Variants in PRELID2 observed in about 807,000 individuals in gnomAD.
PRELID2 encodes the protein PRELI domain containing 2, also known as PRELI domain-containing protein 2.
A neutral mutation model predicts 28.4 loss-of-function variants in PRELID2; 25 were observed. That is an observed-to-expected ratio of 0.88 (90% CI 0.64 to 1.23). The LOEUF is 1.23. Ranked by LOEUF, PRELID2 falls within the 50% of genes most tolerant of loss-of-function variation. The pLI is 0.00. For synonymous variants in PRELID2, 76 were observed against 71.6 expected (o/e 1.06, Z -0.31); for missense variants, 201 against 214.4 (o/e 0.94, Z 0.39).
chr5:145,232,678 T>C, the PRELID2 span, among the ~76,000 whole-genome samples: 2 of 152,090 alleles, frequency 1.3e-5, no homozygotes, highest in African/African-American at 2.4e-5. Flanking sequence ...CCTGGGTAAA[T>C]AGAAAATTCT....
chr5:145,716,055 C>G (rs550538969), intron 1 of PRELID2, among the ~76,000 whole-genome samples: 1 of 151,862 alleles, frequency 6.6e-6, no homozygotes, highest in Non-Finnish European at 1.5e-5. Context: ...TTTTTTTTGG[C>G]GATTTTTTTT....
At chr5:145,488,551 T>C (rs1580955973) in intron 1 of PRELID2, among the ~76,000 whole-genome samples, 1 of 152,058 alleles carries the variant, frequency 6.6e-6, no homozygotes, top group Non-Finnish European at 1.5e-5. Flanking sequence ...AGGATTAAGA[T>C]AGAAAAAAAG....
At chr5:145,286,564 G>A in the PRELID2 span, among the ~76,000 whole-genome samples, 4 of 151,972 alleles carry the variant, frequency 2.6e-5, no homozygotes, top group Admixed American at 6.6e-5. Flanking sequence ...ACCCACATAC[G>A]TAACTCCTCT....
chr5:145,323,056 T>C, the PRELID2 span, among the ~76,000 whole-genome samples: 4 of 152,164 alleles, frequency 2.6e-5, no homozygotes, highest in African/African-American at 7.2e-5. Context: ...AGAAGCACAC[T>C]ACAGGGTCCT....
At chr5:145,640,212 C>T (rs570124795) in intron 1 of PRELID2, among the ~76,000 whole-genome samples, 2 of 151,968 alleles carry the variant, frequency 1.3e-5, no homozygotes, top group South Asian at 4.2e-4. Context: ...GGCGGCCGGG[C>T]GCGGTGGCTC....
chr5:145,648,539 G>C (rs1754235648), intron 1 of PRELID2, among the ~76,000 whole-genome samples: 1 of 151,338 alleles, frequency 6.6e-6, no homozygotes, highest in Non-Finnish European at 1.5e-5. Context: ...TTTATTGTTG[G>C]TTCATGAAAG....
intron 2 of PRELID2, among the ~76,000 whole-genome samples, chr5:145,822,708 C>T (rs1430999248): frequency 6.6e-6 from 1 of 152,180 alleles, no homozygotes; most frequent in Non-Finnish European, 1.5e-5. Flanking sequence ...AGTAGTCTAA[C>T]ACCTATTCCA....
Position 145,817,979 on chromosome 5 carries a change from T to G in PRELID2, c.283A>C (p.Ile95Leu), listed in dbSNP as rs200308330. The change falls in exon 4 of 7, where the codon ATA becomes CTA. Residue 95 changes from isoleucine to leucine, a missense_variant. Transcript: ENST00000683046. ...WLNPRERNMA[I>L]RSHCLTWTQY... is the part of the protein sequence containing the mutation. ...GTCCACGTAAGGCAGTGACTCCGTA[T>G]GGCCATGTTTCTTTCCCGAGGATTG... 1 of 1,611,892 alleles carries G rather than the reference T, an allele frequency of 6.2e-7. No homozygotes were observed.
At chr5:145,305,138 C>T in the PRELID2 span, among the ~76,000 whole-genome samples, 1 of 151,908 alleles carries the variant, frequency 6.6e-6, no homozygotes, top group African/African-American at 2.4e-5. Flanking sequence ...TAAACATAGG[C>T]CCAAAGGATA....
At chr5:145,727,639 C>G (rs1561560417) in intron 1 of PRELID2, among the ~76,000 whole-genome samples, 1 of 152,284 alleles carries the variant, frequency 6.6e-6, no homozygotes, top group South Asian at 2.1e-4. Context: ...CACACAACCA[C>G]CAGAACAAAA....
intron 1 of PRELID2, among the ~76,000 whole-genome samples, chr5:145,649,945 C>G (rs192809848): frequency 6.6e-6 from 1 of 151,948 alleles, no homozygotes; most frequent in Non-Finnish European, 1.5e-5. Context: ...AAATCTTCTA[C>G]GGAGGAAATA....
chr5:145,700,047 T>C (rs1755371261), intron 1 of PRELID2, among the ~76,000 whole-genome samples: 1 of 152,102 alleles, frequency 6.6e-6, no homozygotes, highest in Non-Finnish European at 1.5e-5. Flanking sequence ...CAGTCACATA[T>C]CTCTCTGTGG....
the PRELID2 span, among the ~76,000 whole-genome samples, chr5:145,376,603 T>C: frequency 6.6e-6 from 1 of 152,178 alleles, no homozygotes; most frequent in African/African-American, 2.4e-5. Flanking sequence ...GATTCAGTTC[T>C]TCCTGGTTCA....
At chr5:145,266,954 C>A in the PRELID2 span, among the ~76,000 whole-genome samples, 2 of 152,044 alleles carry the variant, frequency 1.3e-5, no homozygotes, top group African/African-American at 4.8e-5. Context: ...ATTGTATGTT[C>A]TCACAAGTAG....
chr5:145,691,127 T>C (rs905659144), intron 1 of PRELID2, among the ~76,000 whole-genome samples: 1 of 152,202 alleles, frequency 6.6e-6, no homozygotes, highest in Non-Finnish European at 1.5e-5. Flanking sequence ...GTTACTTAAA[T>C]CTTGCACTGT....
At chr5:145,351,448 C>G in the PRELID2 span, among the ~76,000 whole-genome samples, 1 of 152,126 alleles carries the variant, frequency 6.6e-6, no homozygotes, top group Non-Finnish European at 1.5e-5. Context: ...AACTCACTCA[C>G]TATCACAAGA....
At chr5:145,352,963 G>A in the PRELID2 span, among the ~76,000 whole-genome samples, 4 of 152,178 alleles carry the variant, frequency 2.6e-5, no homozygotes, top group Admixed American at 6.5e-5. Context: ...CAACATTTTG[G>A]TCAAAGTTAT....
At chr5:145,765,774 T>C (rs1020266756) in intron 5 of PRELID2, among the ~76,000 whole-genome samples, 2 of 152,152 alleles carry the variant, frequency 1.3e-5, no homozygotes, top group African/African-American at 4.8e-5. Flanking sequence ...ACTAAGTCTG[T>C]GCCCCAAGAG....
At chr5:145,445,972 G>A in the PRELID2 span, among the ~76,000 whole-genome samples, 1 of 152,084 alleles carries the variant, frequency 6.6e-6, no homozygotes, top group Non-Finnish European at 1.5e-5. Flanking sequence ...ACTAGAAGCT[G>A]AGAAGGGTGA....
Sources: allele counts gnomAD v4.1 joint callset (sites outside exome capture counted in the v4.1 genomes callset), GRCh38; gene constraint gnomAD v4.1.1; transcripts MANE v1.5; gene names NCBI Gene and HGNC (gene_info 2026-07-23, HGNC 2026-07-21).